The following EIF4G1 variants were observed in gnomAD, a reference collection of about 807,000 sequenced individuals.
EIF4G1 encodes eukaryotic translation initiation factor 4 gamma 1.
In EIF4G1, 4 loss-of-function variants were observed where a neutral mutation model predicts 187.8. The ratio of observed to expected loss-of-function variants is 0.02; its 90% CI spans 0.01 to 0.05. The LOEUF is 0.05. EIF4G1 is among the 10% of genes least tolerant of loss of function. The probability of loss-of-function intolerance (pLI) is 1.00; values close to 1 mark genes in which losing one functional copy is unlikely to be tolerated. For synonymous variants in EIF4G1, 844 were observed against 781.4 expected (o/e 1.08, Z -1.34); for missense variants, 1,647 against 2,081.1 (o/e 0.79, Z 4.06).
intron 32 of EIF4G1, 58 bp downstream of exon 32, chr3:184,332,144 A>C: frequency 6.2e-7 from 1 of 1,612,498 alleles, no homozygotes; most frequent in Admixed American, 1.7e-5. Context: ...ATAGCAGGGC[A>C]TGAGACCCTT....
chr3:184,333,092 C>T (rs1487651724), intron 32 of EIF4G1, among the ~76,000 whole-genome samples: 2 of 152,092 alleles, frequency 1.3e-5, no homozygotes, highest in African/African-American at 4.8e-5. Flanking sequence ...GAGGAGTAGG[C>T]AGATCAAGAG....
At chr3:184,326,040 T>C (rs1560222051) in intron 21 of EIF4G1, 89 bp downstream of exon 21, 4 of 1,381,048 alleles carry the variant, frequency 2.9e-6, no homozygotes, top group Non-Finnish European at 4.1e-6. Context: ...GACAGCTGAA[T>C]GTTTCCTCTT....
chr3:184,317,645 T>TTC, intron 5 of EIF4G1, 72 bp from the exon 6 acceptor site: 1 of 1,539,556 alleles, frequency 6.5e-7, no homozygotes, highest in Non-Finnish European at 9.0e-7. Flanking sequence ...TTGACCTATG[T>TTC]TCTTTTTGGA....
At chr3:184,327,487 C>G (rs770910042) in intron 24 of EIF4G1, 39 bp downstream of exon 24, 27 of 1,611,894 alleles carry the variant, frequency 1.7e-5, no homozygotes, top group Non-Finnish European at 2.3e-5. Flanking sequence ...AAGGCATTGG[C>G]TGCCTTGGGA....
chr3:184,328,582 A>C (rs762934924), intron 26 of EIF4G1, 49 bp from the exon 27 acceptor site: 2 of 1,613,774 alleles, frequency 1.2e-6, no homozygotes, highest in South Asian at 1.1e-5. Flanking sequence ...CCCCAGAAGG[A>C]GAGTGGGGAC....
chr3:184,326,070 C>T, intron 21 of EIF4G1, 119 bp downstream of exon 21: 1 of 1,123,568 alleles, frequency 8.9e-7, no homozygotes, highest in Non-Finnish European at 1.3e-6. Context: ...GGTTGGATTG[C>T]TGGAGACAGG....
In EIF4G1 at chr3:184,328,719, C is replaced by T. The variant is rs770732044; in HGVS notation, c.4042C>T (p.Leu1348=). Residue 1348 remains leucine, a synonymous_variant, in exon 27 of 33, where the codon CTG becomes TTG. Transcript: ENST00000346169. ...CCTAGCGGAACTGGTAACACCCATT[C>T]TGCAGGAAGGTGGGGTGCCCATGGG... ...LYLAELVTPI[L]QEGGVPMGEL... is the part of the protein sequence containing the mutation. 21 of 1,614,076 alleles carry T rather than the reference C, an allele frequency of 1.3e-5. No homozygotes were observed. The highest frequency in any genetic ancestry group is 2.2e-5 in the East Asian group (1 of 44,898).
chr3:184,323,607 C>T lies in EIF4G1; in HGVS notation c.2274+14C>T, dbSNP rs368153646. 180 of 1,613,744 alleles carry T rather than the reference C, an allele frequency of 1.1e-4. No individual in the cohort carries two copies. The highest frequency in any genetic ancestry group is 1.4e-4 in the Non-Finnish European group (169 of 1,180,032). On this transcript the variant is annotated intron_variant, in intron 15 of 32. Coordinates refer to ENST00000346169, the MANE Select transcript of EIF4G1 (RefSeq NM_198241.3). This position sits in a 1 kb window ranked among gnomAD's most constrained non-coding sequence, Gnocchi z 6.9. ...AGCAAAACCCAGGTACTGGCAAGTC[C>T]TGCTTTTGGTCTCTCTCCATTTCTT...
chr3:184,316,717 G>T (rs1722856159), intron 4 of EIF4G1: 5 of 1,595,352 alleles, frequency 3.1e-6, no homozygotes, highest in Non-Finnish European at 4.2e-6. Flanking sequence ...TCTCAGGGAG[G>T]ATTCAGGTCT....
rs142935369 is a variant in EIF4G1, at chr3:184,333,937, G to C, written c.4619-790G>C. ...TGCTATGGCCCATTGCTATGGGGTG[G>C]GGGTAGCAGGTGACTGTGCCCCTAG... is the stretch of plus-strand genomic sequence containing the variant. On this transcript the variant is annotated intron_variant, in intron 32 of 32. Transcript: ENST00000346169. Among the ~76,000 whole-genome samples, 675 of 152,278 alleles carry C rather than the reference G, an allele frequency of 4.4e-3. 1 individual carries two copies. Among genetic ancestry groups the C allele is most frequent in the African/African-American group, 0.016 (644 of 41,540 alleles).
chr3:184,333,054 G>C (rs897355753), intron 32 of EIF4G1, among the ~76,000 whole-genome samples: 5 of 152,206 alleles, frequency 3.3e-5, no homozygotes, highest in Admixed American at 1.3e-4. Context: ...GTTAGCACCA[G>C]TGGCTCAGCC....
chr3:184,323,647 T>TC lies in EIF4G1; in HGVS notation c.2274+55dup, dbSNP rs1487930834. The TC allele has an allele frequency of 2.5e-6, 4 of 1,612,468 alleles. No homozygotes were observed. The highest frequency in any genetic ancestry group is 3.4e-6 in the Non-Finnish European group (4 of 1,179,678). ...CTCCATTTCTTCTCCAGGTCTGCCATCTGTGCCCTCTTTGCTTCTTTTTGT... is the reference window on the plus strand; with the variant it reads ...CTCCATTTCTTCTCCAGGTCTGCCATCCTGTGCCCTCTTTGCTTCTTTTTGT... On this transcript the variant is annotated intron_variant, in intron 15 of 32. Transcript: ENST00000346169. The surrounding 1 kb of genome is among the most constrained non-coding windows in gnomAD (Gnocchi z 6.9).
rs1406185678 is a variant in EIF4G1, at chr3:184,314,692, G to C, written c.-92+18G>C. Reference sequence around the variant, plus strand: ...GACTGAAGGTAAAGCCGCCATGTCCGGGCCCGACCCGGCCCCCCCACCCCC... The same window carrying C: ...GACTGAAGGTAAAGCCGCCATGTCCCGGCCCGACCCGGCCCCCCCACCCCC... On this transcript the variant is annotated intron_variant, in intron 1 of 32. Transcript: ENST00000346169. 2 of 151,312 alleles carry C rather than the reference G, an allele frequency of 1.3e-5. No homozygotes were observed. Among genetic ancestry groups the C allele is most frequent in the African/African-American group, 2.4e-5 (1 of 41,308 alleles). 9.4% of individuals were successfully genotyped at this position (151,312 alleles called of 1,614,324 possible).
chr3:184,322,223 A>T (rs1253536282), intron 10 of EIF4G1, 120 bp downstream of exon 10: 3 of 1,561,662 alleles, frequency 1.9e-6, no homozygotes, highest in Non-Finnish European at 2.6e-6. Flanking sequence ...TAAGAACTAG[A>T]TTAAGGACTT....
Position 184,319,817 on chromosome 3 carries a change from G to T in EIF4G1, c.537+16G>T. The T allele has an allele frequency of 6.5e-7, 1 of 1,534,452 alleles. No individual in the cohort carries two copies. Among genetic ancestry groups the T allele is most frequent in the South Asian group, 1.2e-5 (1 of 86,172 alleles). ...GCGTAAGACGGTGAGTAGCAGTGAG[G>T]GGCTCCGGGACATCTGGGAAGGGGA... On this transcript the variant is annotated intron_variant, in intron 7 of 32. Transcript: ENST00000346169.
chr3:184,325,474 C>T lies in EIF4G1; in HGVS notation c.2962-6C>T, dbSNP rs1385183946. The stretch of plus-strand genomic sequence containing the variant: ...CATCATCGTGACTGGCCCTCTGTCT[C>T]CACAGAGCAATTGGGTGCCACGCCG... On this transcript the variant is annotated splice_region_variant and splice_polypyrimidine_tract_variant and intron_variant, in intron 19 of 32. Coordinates refer to ENST00000346169, the MANE Select transcript of EIF4G1 (RefSeq NM_198241.3). The surrounding 1 kb of genome is among the most constrained non-coding windows in gnomAD (Gnocchi z 5.2). 2 of 1,614,052 alleles carry T rather than the reference C, an allele frequency of 1.2e-6. No individual in the cohort carries two copies. The highest frequency in any genetic ancestry group is 1.7e-5 in the Admixed American group (1 of 60,014).
rs534312107 is a variant in EIF4G1, at chr3:184,334,466, G to T, written c.4619-261G>T. On this transcript the variant is annotated intron_variant, in intron 32 of 32. Coordinates refer to ENST00000346169, the MANE Select transcript of EIF4G1 (RefSeq NM_198241.3). The surrounding 1 kb of genome is among the most constrained non-coding windows in gnomAD (Gnocchi z 5.8). ...AGTTTTCTCCATTAAATACATCATG[G>T]GCAGAGAGGTTTCAGGCTGCCAAGG... Among the ~76,000 whole-genome samples the T allele has an allele frequency of 6.6e-6, 1 of 152,242 alleles. No individual in the cohort carries two copies. Among genetic ancestry groups the T allele is most frequent in the East Asian group, 1.9e-4 (1 of 5,176 alleles).
rs370258248 is a variant in EIF4G1 at position 184,331,852 on chromosome 3, C to G, written c.4477+43C>G. 3 of 1,613,936 alleles carry G rather than the reference C, an allele frequency of 1.9e-6. No individual in the cohort carries two copies. The African/African-American group carries it at 4.0e-5, about 22-fold the overall frequency. On this transcript the variant is annotated intron_variant, in intron 31 of 32. Transcript: ENST00000346169. ...GATGGAGGGGCAAGGGTGGGCCTGA[C>G]AGACAAGTGGAGGGAGGTGGGTGTC...
chr3:184,328,524 A>G (rs981018736), intron 26 of EIF4G1, 107 bp from the exon 27 acceptor site: 1 of 1,516,972 alleles, frequency 6.6e-7, no homozygotes, highest in Middle Eastern at 1.7e-4. Flanking sequence ...CATGTCTAGA[A>G]AATGTTCCTG....
Sources: allele counts gnomAD v4.1 joint callset (sites outside exome capture counted in the v4.1 genomes callset), GRCh38; gene constraint gnomAD v4.1.1; non-coding constraint Gnocchi (gnomAD v3.1); transcripts MANE v1.5; gene names NCBI Gene and HGNC (gene_info 2026-07-23, HGNC 2026-07-21).